The following C16orf96 variants were observed in gnomAD, a reference collection of about 807,000 sequenced individuals.
C16orf96 encodes the protein uncharacterized protein C16orf96.
C16orf96 carries 108 observed loss-of-function variants against 103.6 expected under a neutral mutation model. The ratio of observed to expected loss-of-function variants is 1.04; its 90% CI spans 0.89 to 1.22. The LOEUF (loss-of-function observed/expected upper bound fraction) is 1.22. Among genes scored for constraint, C16orf96 ranks in the 50% most tolerant of loss-of-function variants. The probability of loss-of-function intolerance (pLI) is 0.00; values close to 1 mark genes in which losing one functional copy is unlikely to be tolerated. For missense variants in C16orf96, 1,586 were observed against 1,464.2 expected (o/e 1.08, Z -1.36); for synonymous variants, 566 against 593.5 (o/e 0.95, Z 0.67).
intron 1 of C16orf96, among the ~76,000 whole-genome samples, chr16:4,562,499 G>A (rs190039099): frequency 6.6e-6 from 1 of 150,410 alleles, no homozygotes; most frequent in African/African-American, 2.4e-5. Flanking sequence ...TGAGAAGAGT[G>A]CAAGTTCTTT....
chr16:4,578,704 G>A (rs762669102), intron 5 of C16orf96, among the ~76,000 whole-genome samples: 1 of 152,126 alleles, frequency 6.6e-6, no homozygotes, highest in Admixed American at 6.5e-5. Context: ...GTTGTAGTGA[G>A]CCGAGATCGC....
intron 9 of C16orf96, among the ~76,000 whole-genome samples, chr16:4,591,380 G>A (rs1416801913): frequency 2.0e-5 from 3 of 152,082 alleles, no homozygotes; most frequent in African/African-American, 7.2e-5. Context: ...CGCCCAGCCT[G>A]CAGCTGAGCT....
chr16:4,589,894 C>T (rs903777847), intron 9 of C16orf96, among the ~76,000 whole-genome samples: 15 of 149,510 alleles, frequency 1.0e-4, no homozygotes, highest in African/African-American at 1.5e-4. Context: ...GAGGCTGAGG[C>T]GGGCAGATCA....
At chr16:4,558,654 C>T (rs1323047685) in intron 1 of C16orf96, among the ~76,000 whole-genome samples, 1 of 152,032 alleles carries the variant, frequency 6.6e-6, no homozygotes, top group Non-Finnish European at 1.5e-5. Context: ...GTGGCGCACA[C>T]CTGTAATCCC....
chr16:4,553,560 G>A (rs140064905), upstream of C16orf96, among the ~76,000 whole-genome samples: 98 of 152,062 alleles, frequency 6.4e-4, no homozygotes, highest in African/African-American at 2.0e-3. Context: ...CTGGTCTCAC[G>A]CTCTACTCCT....
chr16:4,549,974 T>C, the C16orf96 span, among the ~76,000 whole-genome samples: 35 of 152,258 alleles, frequency 2.3e-4, no homozygotes, highest in Middle Eastern at 6.8e-3. Context: ...CTTTTCTTTA[T>C]CAATTACCCA....
intron 1 of C16orf96, among the ~76,000 whole-genome samples, chr16:4,564,979 G>T (rs994626505): frequency 1.3e-5 from 2 of 152,180 alleles, no homozygotes; most frequent in African/African-American, 4.8e-5. Context: ...GTGTCGTGAA[G>T]TGCTCTTACA....
intron 7 of C16orf96, among the ~76,000 whole-genome samples, chr16:4,585,030 C>T (rs1272584847): frequency 6.6e-6 from 1 of 152,058 alleles, no homozygotes; most frequent in Non-Finnish European, 1.5e-5. Context: ...ACCTATAGTC[C>T]CAGCTACTGG....
chr16:4,588,389 C>T (rs1896978894), intron 9 of C16orf96, 58 bp downstream of exon 9: 1 of 1,493,018 alleles, frequency 6.7e-7, no homozygotes. Context: ...CAGAACTTAG[C>T]AACTGCAAAC....
chr16:4,592,061 G>C (rs994061209), intron 10 of C16orf96, among the ~76,000 whole-genome samples: 17 of 152,342 alleles, frequency 1.1e-4, no homozygotes, highest in African/African-American at 3.1e-4. Context: ...GCCCCAGGCA[G>C]AGGGACCCAA....
At chr16:4,546,322 C>A in the C16orf96 span, among the ~76,000 whole-genome samples, 1 of 151,950 alleles carries the variant, frequency 6.6e-6, no homozygotes, top group Non-Finnish European at 1.5e-5. Context: ...CCGCGCCCAG[C>A]TAATTTTTTG....
chr16:4,542,057 G>A, the C16orf96 span, among the ~76,000 whole-genome samples: 1 of 152,172 alleles, frequency 6.6e-6, no homozygotes, highest in East Asian at 1.9e-4. Context: ...AGAAGGCTGG[G>A]CGACCAGCAC....
At chr16:4,539,830 C>T in the C16orf96 span, among the ~76,000 whole-genome samples, 1 of 152,144 alleles carries the variant, frequency 6.6e-6, no homozygotes, top group South Asian at 2.1e-4. Context: ...TCTGACCCTG[C>T]AGTCTGATGC....
intron 5 of C16orf96, among the ~76,000 whole-genome samples, chr16:4,578,415 G>A (rs957915341): frequency 2.0e-5 from 3 of 152,018 alleles, no homozygotes; most frequent in African/African-American, 7.2e-5. Flanking sequence ...AGTGTTGGGA[G>A]TACAGGCGTG....
intron 5 of C16orf96, among the ~76,000 whole-genome samples, 196 bp from the exon 6 acceptor site, chr16:4,578,744 G>A (rs146442394): frequency 0.025 from 3,784 of 152,150 alleles, 164 homozygotes; most frequent in African/African-American, 0.087. Flanking sequence ...GTGACAGAGC[G>A]AGATTCCATC....
At chr16:4,548,699 C>T in the C16orf96 span, among the ~76,000 whole-genome samples, 1 of 152,010 alleles carries the variant, frequency 6.6e-6, no homozygotes, top group Admixed American at 6.6e-5. Context: ...ATGGTGAAAC[C>T]CCATCACTAC....
chr16:4,575,424 A>G lies in C16orf96; in HGVS notation c.944A>G (p.Glu315Gly). 2 of 1,550,008 alleles carry G rather than the reference A, an allele frequency of 1.3e-6. No homozygotes were observed. Among genetic ancestry groups the G allele is most frequent in the East Asian group, 4.9e-5 (2 of 40,910 alleles). Residue 315 changes from glutamate (E) to glycine (G), a missense_variant, in exon 5 of 16, where the codon GAG becomes GGG. Physicochemically the swap from Glu to Gly is moderately conservative, Grantham distance 98. Transcript: ENST00000444310. ...EPAQPPALTPESAPGCTTEFA... is the reference protein window; with the variant it reads ...EPAQPPALTPGSAPGCTTEFA... ...GCGCAGCCTCCGGCCCTCACGCCTG[A>G]GTCTGCACCTGGGTGCACAACTGAA...
At chr16:4,547,166 G>T in the C16orf96 span, among the ~76,000 whole-genome samples, 1 of 152,054 alleles carries the variant, frequency 6.6e-6, no homozygotes, top group Admixed American at 6.5e-5. Context: ...ACAGCGTCTC[G>T]CTCTGTCGCC....
At position 4,558,240 on chromosome 16, in the gene C16orf96, C is replaced by G. The variant is rs181802104; in HGVS notation, c.420+1331C>G. The stretch of plus-strand genomic sequence containing the variant: ...GCTGAGGCGTGGCCTCTGACCCTGG[C>G]TCACCTTTGACTGCTGACCCCTGCT... On this transcript the variant is annotated intron_variant, in intron 1 of 15. Coordinates refer to ENST00000444310, the MANE Select transcript of C16orf96 (RefSeq NM_001145011.2). Among the ~76,000 whole-genome samples the G allele has an allele frequency of 3.0e-3, 451 of 152,360 alleles. 7 individuals are homozygous for G. Among genetic ancestry groups the G allele is most frequent in the Admixed American group, 0.028 (435 of 15,304 alleles).
Sources: allele counts gnomAD v4.1 joint callset (sites outside exome capture counted in the v4.1 genomes callset), GRCh38; gene constraint gnomAD v4.1.1; transcripts MANE v1.5; gene names NCBI Gene and HGNC (gene_info 2026-07-23, HGNC 2026-07-21).